SLC30A8: variants seen among roughly 807,000 people sequenced by gnomAD.
SLC30A8 encodes proton-coupled zinc antiporter SLC30A8.
Under a neutral mutation model 36.9 loss-of-function variants are expected in SLC30A8, and 27 were observed. That is an observed-to-expected ratio of 0.73 (90% CI 0.54 to 1.01). The LOEUF is 1.01. SLC30A8 is among the 50% of genes least tolerant of loss of function. SLC30A8 has a pLI of 0.00. For synonymous variants in SLC30A8, 164 were observed against 172.4 expected (o/e 0.95, Z 0.38); for missense variants, 439 against 452.0 (o/e 0.97, Z 0.26).
At chr8:117,066,919 T>A (rs1261855923) in intron 2 of SLC30A8, among the ~76,000 whole-genome samples, 1 of 152,142 alleles carries the variant, frequency 6.6e-6, no homozygotes, top group African/African-American at 2.4e-5. Context: ...ATTAGTCTGT[T>A]CTCACACTGC....
At chr8:117,067,407 T>C (rs1025318431) in intron 2 of SLC30A8, among the ~76,000 whole-genome samples, 1 of 152,160 alleles carries the variant, frequency 6.6e-6, no homozygotes, top group African/African-American at 2.4e-5. Context: ...ACCATTATTC[T>C]GTGATTTTGT....
At chr8:116,993,092 C>G (rs559611276) in intron 1 of SLC30A8, among the ~76,000 whole-genome samples, 1 of 152,238 alleles carries the variant, frequency 6.6e-6, no homozygotes, top group African/African-American at 2.4e-5. Context: ...AATAGATAAT[C>G]TCCTTGAGTT....
chr8:116,952,149 A>G (rs28375720), intron 1 of SLC30A8, among the ~76,000 whole-genome samples: 2,253 of 152,156 alleles, frequency 0.015, 63 homozygotes, highest in African/African-American at 0.051. Flanking sequence ...TGTATTAGGG[A>G]GTAAAGAAAG....
chr8:117,083,902 C>T (rs569435857), intron 2 of SLC30A8, among the ~76,000 whole-genome samples: 1 of 152,164 alleles, frequency 6.6e-6, no homozygotes, highest in African/African-American at 2.4e-5. Context: ...CTTGATCCTC[C>T]TGATGGGCTC....
chr8:117,071,872 C>T (rs1179996005), intron 2 of SLC30A8, among the ~76,000 whole-genome samples: 9 of 152,006 alleles, frequency 5.9e-5, no homozygotes, highest in Admixed American at 6.6e-5. Context: ...TGTTCATCTC[C>T]CATTAGCCTA....
At chr8:116,973,155 A>G (rs1230130157) in intron 1 of SLC30A8, among the ~76,000 whole-genome samples, 2 of 152,244 alleles carry the variant, frequency 1.3e-5, no homozygotes, top group African/African-American at 4.8e-5. Context: ...CTCACCAGCC[A>G]TCAGATGTGG....
chr8:117,059,712 T>C (rs566393174), intron 2 of SLC30A8, among the ~76,000 whole-genome samples: 1 of 152,326 alleles, frequency 6.6e-6, no homozygotes, highest in Non-Finnish European at 1.5e-5. Flanking sequence ...TTGAATTCAT[T>C]TGTAAAGTTA....
intron 1 of SLC30A8, among the ~76,000 whole-genome samples, chr8:116,972,762 G>T (rs549649852): frequency 3.3e-5 from 5 of 152,268 alleles, no homozygotes; most frequent in East Asian, 3.9e-4. Context: ...AGGAACTGAC[G>T]TGATAAATTA....
chr8:117,124,688 G>T (rs534114867), intron 2 of SLC30A8, among the ~76,000 whole-genome samples: 30 of 150,796 alleles, frequency 2.0e-4, no homozygotes, highest in Middle Eastern at 3.2e-3. Context: ...GTGAATAACG[G>T]TAAAGGAACA....
At chr8:117,156,518 C>T (rs1259227187) in intron 3 of SLC30A8, among the ~76,000 whole-genome samples, 4 of 152,100 alleles carry the variant, frequency 2.6e-5, no homozygotes, top group South Asian at 2.1e-4. Flanking sequence ...AGGCCATATA[C>T]GTCTGACACT....
At chr8:117,056,745 A>G (rs546878727) in intron 2 of SLC30A8, among the ~76,000 whole-genome samples, 1 of 152,272 alleles carries the variant, frequency 6.6e-6, no homozygotes, top group African/African-American at 2.4e-5. Context: ...TGGGGAAAAT[A>G]AAATTTTATG....
At chr8:117,083,732 T>C (rs2130815254) in intron 2 of SLC30A8, among the ~76,000 whole-genome samples, 1 of 152,290 alleles carries the variant, frequency 6.6e-6, no homozygotes, top group Non-Finnish European at 1.5e-5. Context: ...TCTGGATCTG[T>C]GAGTGGAACA....
intron 2 of SLC30A8, among the ~76,000 whole-genome samples, chr8:117,109,204 G>A (rs935662689): frequency 6.6e-6 from 1 of 152,166 alleles, no homozygotes; most frequent in African/African-American, 2.4e-5. Flanking sequence ...CTTGAAGGCA[G>A]CATGTGTTGG....
intron 3 of SLC30A8, among the ~76,000 whole-genome samples, chr8:117,156,033 G>T (rs541950216): frequency 6.6e-6 from 1 of 150,634 alleles, no homozygotes; most frequent in East Asian, 2.0e-4. Flanking sequence ...CTGAGGAACT[G>T]AAGATTAGTA....
At chr8:116,955,830 A>G (rs28388282) in intron 1 of SLC30A8, among the ~76,000 whole-genome samples, 2,829 of 152,314 alleles carry the variant, frequency 0.019, 41 homozygotes, top group South Asian at 0.048. Context: ...ATTCTCCCTC[A>G]GAGTGCTCAG....
chr8:117,067,539 C>T (rs564260447), intron 2 of SLC30A8, among the ~76,000 whole-genome samples: 1 of 152,090 alleles, frequency 6.6e-6, no homozygotes, highest in Non-Finnish European at 1.5e-5. Context: ...TCAAGTTTAA[C>T]GAGAATCCAT....
At chr8:117,162,739 T>G (rs1186841270) in intron 5 of SLC30A8, among the ~76,000 whole-genome samples, 1 of 152,154 alleles carries the variant, frequency 6.6e-6, no homozygotes. Context: ...CAAAACTAGT[T>G]TGAGGGTCCA....
chr8:117,159,967 A>G (rs1470497761), intron 4 of SLC30A8, among the ~76,000 whole-genome samples: 3 of 152,226 alleles, frequency 2.0e-5, no homozygotes, highest in African/African-American at 7.2e-5. Context: ...ACACTCAGAA[A>G]GTCAAGGCAG....
intron 2 of SLC30A8, among the ~76,000 whole-genome samples, chr8:117,121,881 A>C (rs917078223): frequency 9.2e-5 from 14 of 151,952 alleles, no homozygotes; most frequent in Non-Finnish European, 1.8e-4. Flanking sequence ...ATGAAGTTTC[A>C]GTTAAGCAAC....
Sources: allele counts gnomAD v4.1 joint callset (sites outside exome capture counted in the v4.1 genomes callset), GRCh38; gene constraint gnomAD v4.1.1; transcripts MANE v1.5; gene names NCBI Gene and HGNC (gene_info 2026-07-23, HGNC 2026-07-21).